The following PTPRM variants were observed in gnomAD, a reference collection of about 807,000 sequenced individuals.
PTPRM encodes receptor-type tyrosine-protein phosphatase mu.
A neutral mutation model predicts 186.7 loss-of-function variants in PTPRM; 47 were observed. That is an observed-to-expected ratio of 0.25 (90% CI 0.20 to 0.32). The LOEUF (loss-of-function observed/expected upper bound fraction) is 0.32, where lower values mean the gene tolerates loss of function less well. Among genes scored for constraint, PTPRM ranks in the 10% least tolerant of loss-of-function variants. The pLI is 1.00. For synonymous variants in PTPRM, 668 were observed against 674.9 expected (o/e 0.99, Z 0.16); for missense variants, 1,494 against 1,865.0 (o/e 0.80, Z 3.66).
chr18:8,045,061 T>C (rs1025469632), intron 7 of PTPRM, among the ~76,000 whole-genome samples: 6 of 152,108 alleles, frequency 3.9e-5, no homozygotes, highest in Admixed American at 2.0e-4. Context: ...AAAACTTGTA[T>C]GTAAGCAGGG....
At chr18:7,881,020 A>C (rs1034327922) in intron 2 of PTPRM, among the ~76,000 whole-genome samples, 2 of 152,200 alleles carry the variant, frequency 1.3e-5, no homozygotes, top group African/African-American at 4.8e-5. Flanking sequence ...CATGCAGTAC[A>C]TATATACACA....
chr18:7,868,146 T>G (rs1382654250), intron 2 of PTPRM, among the ~76,000 whole-genome samples: 1 of 152,202 alleles, frequency 6.6e-6, no homozygotes, highest in Non-Finnish European at 1.5e-5. Flanking sequence ...TAGGACATGC[T>G]CCTTTAGCTC....
chr18:8,332,226 T>C (rs899552798), intron 22 of PTPRM, among the ~76,000 whole-genome samples: 1 of 152,214 alleles, frequency 6.6e-6, no homozygotes, highest in African/African-American at 2.4e-5. Context: ...GAATAAATGA[T>C]TAAAAGAAAA....
chr18:8,004,862 T>C (rs963538032), intron 7 of PTPRM, among the ~76,000 whole-genome samples: 1 of 152,150 alleles, frequency 6.6e-6, no homozygotes, highest in African/African-American at 2.4e-5. Flanking sequence ...AAATTTGATT[T>C]CTTTTTTTAT....
chr18:7,954,988 C>T, intron 6 of PTPRM, 133 bp from the exon 7 acceptor site: 3 of 974,392 alleles, frequency 3.1e-6, no homozygotes, highest in African/African-American at 3.3e-5. Flanking sequence ...CTTGTTAACC[C>T]AAACAAAATT....
At chr18:8,076,427 A>T in intron 8 of PTPRM, 28 bp from the exon 9 acceptor site, 1 of 1,312,820 alleles carries the variant, frequency 7.6e-7, no homozygotes, top group South Asian at 1.2e-5. Flanking sequence ...TATTACTTAA[A>T]CATTTATTTC....
At chr18:7,903,922 A>G (rs1243736635) in intron 3 of PTPRM, among the ~76,000 whole-genome samples, 1 of 152,212 alleles carries the variant, frequency 6.6e-6, no homozygotes, top group Non-Finnish European at 1.5e-5. Context: ...AGAAGTGAAA[A>G]CATCATATTT....
At chr18:8,274,931 C>A (rs1456100982) in intron 19 of PTPRM, among the ~76,000 whole-genome samples, 1 of 152,208 alleles carries the variant, frequency 6.6e-6, no homozygotes, top group Non-Finnish European at 1.5e-5. Context: ...AGGGTTTCCC[C>A]TTAATTTACG....
At chr18:7,746,505 G>A (rs531262146) in intron 1 of PTPRM, among the ~76,000 whole-genome samples, 42 of 151,046 alleles carry the variant, frequency 2.8e-4, no homozygotes, top group African/African-American at 8.0e-4. Flanking sequence ...TCGCTCTGTC[G>A]CCCAAGCCGG....
At chr18:7,882,931 G>A (rs9304006) in intron 2 of PTPRM, among the ~76,000 whole-genome samples, 12,414 of 152,238 alleles carry the variant, frequency 0.082, 659 homozygotes, top group African/African-American at 0.16. Flanking sequence ...GGATATGATT[G>A]GCTAAATTTA....
intron 1 of PTPRM, among the ~76,000 whole-genome samples, chr18:7,723,204 C>CAA (rs1329793610): frequency 1.3e-5 from 1 of 77,444 alleles, no homozygotes; most frequent in Non-Finnish European, 2.1e-5. Flanking sequence ...CTCCTACAGG[C>CAA]TATTAACAGG....
At chr18:7,597,058 T>C (rs970461453) in intron 1 of PTPRM, among the ~76,000 whole-genome samples, 1 of 152,180 alleles carries the variant, frequency 6.6e-6, no homozygotes, top group Non-Finnish European at 1.5e-5. Context: ...TTTTGCCACG[T>C]TGGCTAGGCT....
intron 14 of PTPRM, among the ~76,000 whole-genome samples, chr18:8,151,861 C>T (rs2093015588): frequency 6.6e-6 from 1 of 152,140 alleles, no homozygotes; most frequent in East Asian, 1.9e-4. Context: ...AGCTGGAGTG[C>T]AGGGTTCCTC....
At chr18:8,240,761 G>GGAGGGAGAGAGA (rs2094419200) in intron 14 of PTPRM, among the ~76,000 whole-genome samples, 1 of 114,734 alleles carries the variant, frequency 8.7e-6, no homozygotes, top group South Asian at 3.6e-4. Context: ...CGCGAGGGAG[G>GGAGGGAGAGAGA]GAGGGAGAGA....
At chr18:8,099,067 C>T (rs2091155018) in intron 11 of PTPRM, among the ~76,000 whole-genome samples, 1 of 152,032 alleles carries the variant, frequency 6.6e-6, no homozygotes, top group South Asian at 2.1e-4. Context: ...ATGTTTCTTT[C>T]ATGGAATCTT....
At chr18:8,255,476 T>G (rs1244189993) in intron 19 of PTPRM, among the ~76,000 whole-genome samples, 1 of 152,212 alleles carries the variant, frequency 6.6e-6, no homozygotes, top group East Asian at 1.9e-4. Flanking sequence ...TTGAACCATA[T>G]TATGACTGAC....
chr18:8,213,754 G>T (rs1434941755), intron 14 of PTPRM, among the ~76,000 whole-genome samples: 3 of 152,114 alleles, frequency 2.0e-5, no homozygotes, highest in Non-Finnish European at 4.4e-5. Flanking sequence ...CCACTACTGG[G>T]TATGTAACCA....
intron 14 of PTPRM, among the ~76,000 whole-genome samples, chr18:8,243,339 C>T (rs992834666): frequency 6.6e-6 from 1 of 152,130 alleles, no homozygotes; most frequent in African/African-American, 2.4e-5. Context: ...TTGCAGGGAA[C>T]CCAGCGACAT....
intron 23 of PTPRM, among the ~76,000 whole-genome samples, chr18:8,358,174 G>C (rs1568821940): frequency 6.7e-6 from 1 of 149,716 alleles, no homozygotes; most frequent in East Asian, 2.0e-4. Context: ...TGAGTAACCA[G>C]ACTAGATCTC....
Sources: gnomAD v4.1 joint callset for allele counts (sites outside exome capture counted in the v4.1 genomes callset) on GRCh38, gnomAD v4.1.1 for gene constraint, MANE v1.5 for transcripts, NCBI Gene and HGNC (gene_info 2026-07-23, HGNC 2026-07-21) for gene names.